ZC3H3: variants seen among roughly 807,000 people sequenced by gnomAD.
The protein encoded by ZC3H3 is zinc finger CCCH-type containing 3, also known as zinc finger CCCH domain-containing protein 3.
A neutral mutation model predicts 77.3 loss-of-function variants in ZC3H3; 36 were observed. The ratio of observed to expected loss-of-function variants is 0.47; its 90% confidence interval spans 0.36 to 0.61. The LOEUF is 0.61. Ranked by LOEUF, ZC3H3 falls within the 20% of genes least tolerant of loss-of-function variation. The pLI is 0.00. For missense variants in ZC3H3, 1,331 were observed against 1,312.2 expected (o/e 1.01, Z -0.22); for synonymous variants, 626 against 555.2 (o/e 1.13, Z -1.79).
chr8:143,507,986 C>T (rs1821759371), intron 3 of ZC3H3, 87 bp from the exon 4 acceptor site: 3 of 1,389,986 alleles, frequency 2.2e-6, no homozygotes, highest in South Asian at 3.1e-5. Context: ...GCCAGCTCTG[C>T]CCACCGCCTC....
intron 4 of ZC3H3, among the ~76,000 whole-genome samples, chr8:143,481,515 C>CCCAGACCCT (rs898465137): frequency 1.3e-5 from 2 of 152,130 alleles, no homozygotes; most frequent in Non-Finnish European, 2.9e-5. Flanking sequence ...GAGAGCTGCT[C>CCCAGACCCT]CCAGACCCTC....
At position 143,530,344 on chromosome 8, in the gene ZC3H3, C is replaced by T. The variant is rs1822562262; in HGVS notation, c.1561+5913G>A. On this transcript the variant is annotated intron_variant, in intron 3 of 11. Coordinates refer to ENST00000262577, the MANE Select transcript of ZC3H3 (RefSeq NM_015117.3). This position sits in a 1 kb window ranked among gnomAD's most constrained non-coding sequence, Gnocchi z 4.3. ...GGGAAGGGGGCAGGCCACCGGCATG[C>T]ATCCACCATCCTGGGTGGGTGAAGC... 6.6e-6 allele frequency among the ~76,000 whole-genome samples: 1 copy of T among 152,182 alleles called. No individual in the cohort carries two copies. The highest frequency in any genetic ancestry group is 1.5e-5 in the Non-Finnish European group (1 of 68,020).
Position 143,462,666 on chromosome 8 carries a change from C to T in ZC3H3, c.2307+3051G>A, listed in dbSNP as rs1296789244. ...CTCCCGACAGCTCCCTGCAGACAGG[C>T]ACCAACCACACACAGGGTGTGGGGA... On this transcript the variant is annotated intron_variant, in intron 9 of 11. Coordinates refer to ENST00000262577, the MANE Select transcript of ZC3H3 (RefSeq NM_015117.3). This position sits in a 1 kb window ranked among gnomAD's most constrained non-coding sequence, Gnocchi z 4.7. Among the ~76,000 whole-genome samples, 1 of 152,184 alleles carries T rather than the reference C, an allele frequency of 6.6e-6. No homozygotes were observed. The highest frequency in any genetic ancestry group is 1.5e-5 in the Non-Finnish European group (1 of 68,028).
At chr8:143,452,336 C>T (rs1820009194) in intron 9 of ZC3H3, among the ~76,000 whole-genome samples, 1 of 152,190 alleles carries the variant, frequency 6.6e-6, no homozygotes, top group Admixed American at 6.5e-5. Flanking sequence ...CTGTTTTCCA[C>T]ACCACCCTCC....
intron 3 of ZC3H3, among the ~76,000 whole-genome samples, chr8:143,517,679 C>A (rs570863218): frequency 1.4e-4 from 22 of 152,348 alleles, no homozygotes; most frequent in African/African-American, 5.3e-4. Flanking sequence ...CCCAGGCCTG[C>A]GGCTCACCTG....
intron 5 of ZC3H3, among the ~76,000 whole-genome samples, chr8:143,469,507 G>A (rs1820504743): frequency 3.3e-5 from 5 of 152,234 alleles, no homozygotes; most frequent in Admixed American, 3.3e-4. Context: ...AAATTTTAGA[G>A]GTGCCTCATC....
rs1463784701 is a variant in ZC3H3 at position 143,539,309 on chromosome 8, C to T, written c.58G>A (p.Asp20Asn). The change falls in exon 2 of 12, where the codon GAC becomes AAC. Residue 20 changes from aspartate to asparagine, a missense_variant. Transcript: ENST00000262577. ...GCATTGCCGTGGAGGGTTTTGTAGT[C>T]ATCAATCAGACCTGAGAAGACAGAA... ...QIRLLQGLID[D>N]YKTLHGNAPA... The T allele has an allele frequency of 1.3e-5, 21 of 1,606,848 alleles. No homozygotes were observed. The highest frequency in any genetic ancestry group is 1.8e-5 in the Non-Finnish European group (21 of 1,177,150).
At chr8:143,523,663 G>A (rs1822321936) in intron 3 of ZC3H3, among the ~76,000 whole-genome samples, 1 of 152,212 alleles carries the variant, frequency 6.6e-6, no homozygotes. Flanking sequence ...GCATTCTAGG[G>A]AAGTGGCCAC....
chr8:143,473,801 G>T (rs942474656), intron 5 of ZC3H3, among the ~76,000 whole-genome samples: 3 of 152,214 alleles, frequency 2.0e-5, no homozygotes, highest in Non-Finnish European at 2.9e-5. Flanking sequence ...GGTCCCTGTT[G>T]GCTCACATGG....
Position 143,454,917 on chromosome 8 carries a change from T to TA in ZC3H3, c.2307+10799dup, listed in dbSNP as rs1209537588. Among the ~76,000 whole-genome samples the TA allele has an allele frequency of 2.6e-5, 4 of 151,948 alleles. No individual in the cohort carries two copies. In the East Asian group the frequency reaches 7.8e-4, roughly 30 times the overall value. ...TGTGTCCGGGTAACCCTTATTTTCATAAAAAATGGCCCCAAAGTGCAACAG... is the reference window on the plus strand; with the variant it reads ...TGTGTCCGGGTAACCCTTATTTTCATAAAAAAATGGCCCCAAAGTGCAACAG... On this transcript the variant is annotated intron_variant, in intron 9 of 11. Transcript: ENST00000262577.
chr8:143,484,944 G>GT (rs1821012063), intron 4 of ZC3H3: 3 of 443,638 alleles, frequency 6.8e-6, no homozygotes, highest in South Asian at 4.8e-5. Context: ...AAGGACAGTG[G>GT]TATCTGCAAA....
At chr8:143,459,146 C>T (rs1197834934) in intron 9 of ZC3H3, among the ~76,000 whole-genome samples, 4 of 152,086 alleles carry the variant, frequency 2.6e-5, no homozygotes, top group African/African-American at 4.8e-5. Context: ...AGTAGTACCC[C>T]GATAACAAAA....
intron 1 of ZC3H3, among the ~76,000 whole-genome samples, chr8:143,540,443 T>G (rs1443382676): frequency 1.3e-5 from 2 of 152,188 alleles, no homozygotes; most frequent in Non-Finnish European, 2.9e-5. Context: ...TTGCCCAGGA[T>G]GGTCTCAAAC....
chr8:143,530,066 G>A lies in ZC3H3; in HGVS notation c.1561+6191C>T, dbSNP rs985328608. ...GCAGACTGAGGGACGGGTAGGAATC[G>A]CCCTCCGTGTGTACAGCAAGCTCTG... On this transcript the variant is annotated intron_variant, in intron 3 of 11. Coordinates refer to ENST00000262577, the MANE Select transcript of ZC3H3 (RefSeq NM_015117.3). This position sits in a 1 kb window ranked among gnomAD's most constrained non-coding sequence, Gnocchi z 4.3. Among the ~76,000 whole-genome samples the A allele has an allele frequency of 6.6e-6, 1 of 152,172 alleles. No homozygotes were observed. The highest frequency in any genetic ancestry group is 1.5e-5 in the Non-Finnish European group (1 of 68,028).
rs77527736 is a variant in ZC3H3 at position 143,494,526 on chromosome 8, G to C, written c.1715+13220C>G. Among the ~76,000 whole-genome samples, 252 of 152,312 alleles carry C rather than the reference G, an allele frequency of 1.7e-3. No individual in the cohort carries two copies. The highest frequency in any genetic ancestry group is 5.8e-3 in the African/African-American group (241 of 41,574). ...TGCCAACAGGCCCACACAAGGCCCG[G>C]GCAGGTCAGGGCCTCAGAGCACAGC... On this transcript the variant is annotated intron_variant, in intron 4 of 11. Transcript: ENST00000262577. This position sits in a 1 kb window ranked among gnomAD's most constrained non-coding sequence, Gnocchi z 5.3.
chr8:143,463,124 C>T (rs954260747), intron 9 of ZC3H3, among the ~76,000 whole-genome samples: 1 of 152,138 alleles, frequency 6.6e-6, no homozygotes, highest in African/African-American at 2.4e-5. Context: ...GCTGGGATTA[C>T]AGGCATTTGC....
At chr8:143,472,748 C>T (rs552723220) in intron 5 of ZC3H3, among the ~76,000 whole-genome samples, 45 of 152,314 alleles carry the variant, frequency 3.0e-4, no homozygotes, top group African/African-American at 1.0e-3. Context: ...GGCCCCGGTG[C>T]GGGGAGACGG....
chr8:143,537,732 C>T (rs960759224), intron 2 of ZC3H3, among the ~76,000 whole-genome samples: 4 of 152,248 alleles, frequency 2.6e-5, no homozygotes, highest in Admixed American at 6.5e-5. Context: ...GAAGCTGCCC[C>T]CAGCGAGCTG....
chr8:143,457,794 G>A (rs1820159773), intron 9 of ZC3H3, among the ~76,000 whole-genome samples: 1 of 152,170 alleles, frequency 6.6e-6, no homozygotes, highest in South Asian at 2.1e-4. Context: ...TTGAGCCCAG[G>A]AGGTTGAGGC....
Sources: allele counts gnomAD v4.1 joint callset (sites outside exome capture counted in the v4.1 genomes callset), GRCh38; gene constraint gnomAD v4.1.1; non-coding constraint Gnocchi (gnomAD v3.1); transcripts MANE v1.5; gene names NCBI Gene and HGNC (gene_info 2026-07-23, HGNC 2026-07-21).